Variants in GRM5 observed in about 807,000 individuals in gnomAD.
The protein encoded by GRM5 is metabotropic glutamate receptor 5.
In GRM5, 19 loss-of-function variants were observed where a neutral mutation model predicts 83.1. That is an observed-to-expected ratio of 0.23 (90% CI 0.16 to 0.34). The LOEUF (loss-of-function observed/expected upper bound fraction) is 0.34. Ranked by LOEUF, GRM5 falls within the 10% of genes least tolerant of loss-of-function variation. GRM5 has a pLI of 1.00. For synonymous variants in GRM5, 675 were observed against 633.6 expected, an observed-to-expected ratio of 1.07 and a Z score of -0.98; for missense variants, 1,160 against 1,588.3, an observed-to-expected ratio of 0.73 and a Z score of 4.58.
chr11:88,982,931 T>C (rs1939575080), intron 2 of GRM5, among the ~76,000 whole-genome samples: 1 of 152,182 alleles, frequency 6.6e-6, no homozygotes, highest in African/African-American at 2.4e-5. Context: ...CTGGGCATGA[T>C]GGCACACGCC....
At chr11:88,570,958 T>C (rs1362954183) in intron 7 of GRM5, among the ~76,000 whole-genome samples, 1 of 152,122 alleles carries the variant, frequency 6.6e-6, no homozygotes, top group Non-Finnish European at 1.5e-5. Context: ...TTTCTACTGC[T>C]AGGTCATGTG....
chr11:88,788,998 A>C (rs2135472349), intron 3 of GRM5, among the ~76,000 whole-genome samples: 1 of 152,278 alleles, frequency 6.6e-6, no homozygotes, highest in Non-Finnish European at 1.5e-5. Flanking sequence ...TGGGGAATGT[A>C]TTCTTAAGGA....
intron 2 of GRM5, among the ~76,000 whole-genome samples, chr11:88,972,007 T>C (rs899476561): frequency 4.6e-5 from 7 of 152,082 alleles, no homozygotes; most frequent in Non-Finnish European, 8.8e-5. Context: ...CAAATTCAAA[T>C]AAGTGATAAT....
intron 3 of GRM5, among the ~76,000 whole-genome samples, chr11:88,756,153 TCTGA>T (rs1487875808): frequency 5.3e-5 from 8 of 152,200 alleles, no homozygotes; most frequent in African/African-American, 1.9e-4. Context: ...ATTCTAACAG[TCTGA>T]CTGTGTTTCG....
chr11:88,898,202 C>G (rs1276477844), intron 2 of GRM5, among the ~76,000 whole-genome samples: 1 of 151,838 alleles, frequency 6.6e-6, no homozygotes, highest in Non-Finnish European at 1.5e-5. Context: ...GTCTCTGTAT[C>G]CAAATTTCCC....
At chr11:89,061,656 C>T (rs4466834) in intron 1 of GRM5, among the ~76,000 whole-genome samples, 98,965 of 151,906 alleles carry the variant, frequency 0.65, 36,380 homozygotes, top group Non-Finnish European at 0.82. Context: ...TTTCAATTTC[C>T]CCCTGGGTGT....
intron 2 of GRM5, among the ~76,000 whole-genome samples, chr11:88,915,339 G>A (rs558018329): frequency 3.3e-4 from 50 of 151,990 alleles, no homozygotes; most frequent in Non-Finnish European, 5.6e-4. Flanking sequence ...TTTTGTTGTT[G>A]AATTGTAAGA....
At chr11:88,521,779 G>A (rs577283997) in intron 9 of GRM5, among the ~76,000 whole-genome samples, 6 of 152,300 alleles carry the variant, frequency 3.9e-5, no homozygotes, top group African/African-American at 9.6e-5. Context: ...AGTGTGCTAT[G>A]GGGACATGTT....
chr11:88,541,733 T>C (rs1591334912), intron 8 of GRM5, among the ~76,000 whole-genome samples: 1 of 119,672 alleles, frequency 8.4e-6, no homozygotes, highest in Middle Eastern at 4.4e-3. Flanking sequence ...TTTACAGGAT[T>C]GATGTTTTAT....
chr11:88,753,932 G>A (rs570323192), intron 3 of GRM5, among the ~76,000 whole-genome samples: 2 of 152,194 alleles, frequency 1.3e-5, no homozygotes, highest in Middle Eastern at 3.4e-3. Flanking sequence ...CAGATCTCAT[G>A]AGACTTATGC....
intron 2 of GRM5, among the ~76,000 whole-genome samples, chr11:88,884,857 C>A (rs1351353710): frequency 7.9e-5 from 12 of 152,158 alleles, no homozygotes; most frequent in Non-Finnish European, 1.6e-4. Context: ...GATTCTGAGG[C>A]CTCCCCAGCC....
chr11:88,602,931 G>A (rs1938038914), intron 5 of GRM5, among the ~76,000 whole-genome samples: 1 of 152,108 alleles, frequency 6.6e-6, no homozygotes, highest in Non-Finnish European at 1.5e-5. Context: ...GAAACAAAAG[G>A]TGGTAAATCA....
chr11:88,837,471 T>C (rs575610210), intron 3 of GRM5, among the ~76,000 whole-genome samples: 42 of 152,332 alleles, frequency 2.8e-4, no homozygotes, highest in African/African-American at 9.6e-4. Flanking sequence ...CAGTGCTTGT[T>C]AAATAAAGAT....
At chr11:89,016,535 TTTATA>T (rs1413643549) in intron 2 of GRM5, among the ~76,000 whole-genome samples, 1 of 152,168 alleles carries the variant, frequency 6.6e-6, no homozygotes, top group Non-Finnish European at 1.5e-5. Context: ...TGCATAATCC[TTTATA>T]TACACTGTCT....
intron 4 of GRM5, among the ~76,000 whole-genome samples, chr11:88,622,040 A>G (rs974166988): frequency 6.6e-6 from 1 of 152,258 alleles, no homozygotes; most frequent in African/African-American, 2.4e-5. Flanking sequence ...TGGCTATTGT[A>G]CCAATGGTGC....
At chr11:88,793,452 G>T (rs909160274) in intron 3 of GRM5, among the ~76,000 whole-genome samples, 2 of 152,110 alleles carry the variant, frequency 1.3e-5, no homozygotes, top group Non-Finnish European at 2.9e-5. Context: ...CTCATTGATG[G>T]TAGAACCGTA....
chr11:88,881,521 T>C (rs1323384072), intron 2 of GRM5, among the ~76,000 whole-genome samples: 1 of 139,122 alleles, frequency 7.2e-6, no homozygotes, highest in Non-Finnish European at 1.6e-5. Context: ...TGGTTTCAGT[T>C]ATATGGAATA....
chr11:88,747,933 G>A (rs549965434), intron 3 of GRM5, among the ~76,000 whole-genome samples: 25 of 152,062 alleles, frequency 1.6e-4, no homozygotes, highest in Non-Finnish European at 1.0e-4. Context: ...CAGCACCTTC[G>A]ACTGAAATAT....
At chr11:88,576,318 C>CATAGCACT (rs1943109270) in intron 7 of GRM5, among the ~76,000 whole-genome samples, 1 of 152,178 alleles carries the variant, frequency 6.6e-6, no homozygotes, top group South Asian at 2.1e-4. Context: ...CTGTACCCGT[C>CATAGCACT]ATAGCACTTG....
Sources: allele counts gnomAD v4.1 joint callset (sites outside exome capture counted in the v4.1 genomes callset), GRCh38; gene constraint gnomAD v4.1.1; transcripts MANE v1.5; gene names NCBI Gene and HGNC (gene_info 2026-07-23, HGNC 2026-07-21).